The following GPC5 variants were observed in gnomAD, a reference collection of about 807,000 sequenced individuals.
GPC5 encodes the protein glypican-5.
Under a neutral mutation model 53.9 loss-of-function variants are expected in GPC5, and 47 were observed. The ratio of observed to expected loss-of-function variants is 0.87; its 90% CI spans 0.69 to 1.11. The LOEUF (loss-of-function observed/expected upper bound fraction) is 1.11, where lower values mean the gene tolerates loss of function less well. Among genes scored for constraint, GPC5 ranks in the 50% most tolerant of loss-of-function variants. The pLI is 0.00. For synonymous variants in GPC5, 286 were observed against 263.3 expected (o/e 1.09, Z -0.84); for missense variants, 748 against 713.1 (o/e 1.05, Z -0.56).
At chr13:91,955,478 G>A (rs929701032) in intron 6 of GPC5, among the ~76,000 whole-genome samples, 1 of 152,148 alleles carries the variant, frequency 6.6e-6, no homozygotes, top group Non-Finnish European at 1.5e-5. Flanking sequence ...ATAAAACAGA[G>A]AAATGACAGG....
chr13:92,255,021 A>G (rs538181615), intron 7 of GPC5, among the ~76,000 whole-genome samples: 101 of 152,310 alleles, frequency 6.6e-4, no homozygotes, highest in African/African-American at 2.0e-3. Flanking sequence ...AAAATACACT[A>G]TAACTACTTT....
At chr13:92,849,032 G>A (rs139426368) in intron 7 of GPC5, among the ~76,000 whole-genome samples, 2 of 152,152 alleles carry the variant, frequency 1.3e-5, no homozygotes, top group African/African-American at 4.8e-5. Flanking sequence ...CCTCACACAC[G>A]CATCTGTTAT....
intron 2 of GPC5, among the ~76,000 whole-genome samples, chr13:91,523,286 G>T (rs927792222): frequency 3.9e-5 from 6 of 152,274 alleles, no homozygotes; most frequent in African/African-American, 1.4e-4. Context: ...AGAGATATTT[G>T]CAATACCATG....
At chr13:92,175,148 T>C (rs2042100742) in intron 7 of GPC5, among the ~76,000 whole-genome samples, 1 of 152,252 alleles carries the variant, frequency 6.6e-6, no homozygotes, top group Non-Finnish European at 1.5e-5. Context: ...CCACTGTGCC[T>C]GGCCGAACTT....
intron 6 of GPC5, among the ~76,000 whole-genome samples, chr13:92,091,618 T>C (rs2041381150): frequency 6.6e-6 from 1 of 152,166 alleles, no homozygotes; most frequent in South Asian, 2.1e-4. Flanking sequence ...TACAAACCTA[T>C]AGACAATATG....
intron 5 of GPC5, among the ~76,000 whole-genome samples, chr13:91,777,437 C>T (rs975314798): frequency 1.3e-5 from 2 of 152,140 alleles, no homozygotes; most frequent in African/African-American, 4.8e-5. Flanking sequence ...TTGGTTAGAG[C>T]TATTTAATGT....
chr13:92,767,081 A>C (rs2138744375), intron 7 of GPC5, among the ~76,000 whole-genome samples: 1 of 152,302 alleles, frequency 6.6e-6, no homozygotes, highest in East Asian at 1.9e-4. Flanking sequence ...AGGTCCTTGG[A>C]ATGAGACAGG....
At chr13:92,692,688 TA>T (rs140563467) in intron 7 of GPC5, among the ~76,000 whole-genome samples, 21,426 of 144,370 alleles carry the variant, frequency 0.15, 1,678 homozygotes, top group Admixed American at 0.18. Flanking sequence ...AATAATAAAT[TA>T]AAAAAAACAA....
intron 6 of GPC5, among the ~76,000 whole-genome samples, chr13:92,001,583 C>T (rs1364720726): frequency 6.6e-6 from 1 of 152,004 alleles, no homozygotes. Flanking sequence ...GATCAATTTA[C>T]ACTAATTTTT....
intron 2 of GPC5, among the ~76,000 whole-genome samples, chr13:91,495,272 C>T: frequency 6.6e-6 from 1 of 152,292 alleles, no homozygotes; most frequent in South Asian, 2.1e-4. Context: ...TATTAATATT[C>T]TTTTTAATCT....
intron 7 of GPC5, among the ~76,000 whole-genome samples, chr13:92,592,245 T>C (rs966506411): frequency 5.3e-5 from 8 of 152,124 alleles, no homozygotes; most frequent in Non-Finnish European, 8.8e-5. Context: ...TGTTCTAGAA[T>C]AGAGCCCATA....
chr13:92,394,682 A>G (rs1247830501), intron 7 of GPC5, among the ~76,000 whole-genome samples: 3 of 152,238 alleles, frequency 2.0e-5, no homozygotes, highest in Non-Finnish European at 4.4e-5. Context: ...CACATCTTCA[A>G]AATACTTCAT....
intron 6 of GPC5, among the ~76,000 whole-genome samples, chr13:92,071,222 C>T (rs558212970): frequency 1.0e-3 from 156 of 151,888 alleles, no homozygotes; most frequent in Non-Finnish European, 1.4e-3. Context: ...GGCAACAGAG[C>T]GAGACTCTGT....
At chr13:92,068,322 T>A (rs1026302204) in intron 6 of GPC5, among the ~76,000 whole-genome samples, 1 of 151,860 alleles carries the variant, frequency 6.6e-6, no homozygotes, top group African/African-American at 2.4e-5. Context: ...ATTTTATAAT[T>A]GGGTATTGGT....
chr13:92,664,924 T>A (rs1002478975), intron 7 of GPC5, among the ~76,000 whole-genome samples: 2 of 152,168 alleles, frequency 1.3e-5, no homozygotes, highest in African/African-American at 4.8e-5. Flanking sequence ...ACTCATGAGT[T>A]ACATTATAAA....
intron 7 of GPC5, among the ~76,000 whole-genome samples, chr13:92,709,221 T>TC (rs1349762416): frequency 4.0e-5 from 6 of 151,534 alleles, no homozygotes; most frequent in Non-Finnish European, 8.8e-5. Flanking sequence ...TAATTTTTTT[T>TC]TTTTTTTTTG....
intron 7 of GPC5, among the ~76,000 whole-genome samples, chr13:92,784,469 C>T (rs1030982603): frequency 2.0e-5 from 3 of 151,880 alleles, no homozygotes; most frequent in Non-Finnish European, 4.4e-5. Flanking sequence ...ACTTTACTCA[C>T]AGTCTCCCTT....
In GPC5 at chr13:92,165,848, G is replaced by A. The variant is rs116780946; in HGVS notation, c.1561+20859G>A. ...CATATGTAATCTTAAAACTCTATAT[G>A]ATAGGTAATATTGCCAATTTTTGGC... On this transcript the variant is annotated intron_variant, in intron 7 of 7. Coordinates refer to ENST00000377067, the MANE Select transcript of GPC5 (RefSeq NM_004466.6). 4.9e-3 allele frequency among the ~76,000 whole-genome samples: 741 copies of A among 152,266 alleles called. 10 individuals carry two copies. Among genetic ancestry groups the A allele is most frequent in the African/African-American group, 0.016 (668 of 41,538 alleles).
chr13:92,264,013 T>C (rs2042783795), intron 7 of GPC5, among the ~76,000 whole-genome samples: 1 of 152,176 alleles, frequency 6.6e-6, no homozygotes, highest in Non-Finnish European at 1.5e-5. Flanking sequence ...ATTGATTTAA[T>C]TACTTCACAT....
Sources: allele counts gnomAD v4.1 joint callset (sites outside exome capture counted in the v4.1 genomes callset), GRCh38; gene constraint gnomAD v4.1.1; transcripts MANE v1.5; gene names NCBI Gene and HGNC (gene_info 2026-07-23, HGNC 2026-07-21).